Variants in NME9 observed in about 807,000 individuals in gnomAD.
The protein encoded by NME9 is NME/NM23 family member 9.
NME9 carries 48 observed loss-of-function variants against 44.4 expected under a neutral mutation model. The observed-to-expected ratio is 1.08, with a 90% confidence interval of 0.86 to 1.37. The LOEUF (loss-of-function observed/expected upper bound fraction) is 1.37. Ranked by LOEUF, NME9 falls within the 40% of genes most tolerant of loss-of-function variation. NME9 has a pLI of 0.00. For synonymous variants in NME9, 139 were observed against 147.1 expected, an observed-to-expected ratio of 0.94 and a Z score of 0.40; for missense variants, 325 against 405.2, an observed-to-expected ratio of 0.80 and a Z score of 1.70.
intron 8 of NME9, among the ~76,000 whole-genome samples, chr3:138,280,993 C>T (rs1313696158): frequency 3.9e-5 from 6 of 152,130 alleles, no homozygotes; most frequent in Admixed American, 3.9e-4. Flanking sequence ...TCAATTTTTG[C>T]AGGCTCTGGT....
chr3:138,318,637 C>T (rs1431012016), intron 3 of NME9, among the ~76,000 whole-genome samples: 1 of 151,926 alleles, frequency 6.6e-6, no homozygotes, highest in Non-Finnish European at 1.5e-5. Context: ...GACTGACTGC[C>T]AAAGGAGGAA....
intron 8 of NME9, chr3:138,264,033 C>T (rs778366165): frequency 2.1e-5 from 24 of 1,135,306 alleles, no homozygotes; most frequent in Non-Finnish European, 3.0e-5. Context: ...TGTAGATATG[C>T]TTGAAGTGTA....
chr3:138,289,173 C>A, intron 8 of NME9: 2 of 1,418,216 alleles, frequency 1.4e-6, no homozygotes, highest in Non-Finnish European at 2.0e-6. Flanking sequence ...GAGTGTCTTG[C>A]ACAGGGAAGC....
rs558864201 is a variant in NME9 at position 138,318,008 on chromosome 3, A to G, written c.267+140T>C. 2.4e-4 allele frequency: 158 copies of G among 657,026 alleles called. 3 individuals carry two copies. The South Asian group carries it at 2.6e-3, about 11-fold the overall frequency. The allele number at this position is 657,026 out of a possible 1,614,324, so 40.7% of individuals were successfully genotyped here. A position where few individuals can be genotyped will look rare whatever the true frequency, so the allele number is the denominator to read the frequency against. On this transcript the variant is annotated intron_variant, in intron 4 of 10. Transcript: ENST00000333911. Reference sequence around the variant, plus strand: ...ACTGGGAGGCATCAGAGAAAACAGCATCACTTGTTTGAATCTGTGAGGCCT... The same window carrying G: ...ACTGGGAGGCATCAGAGAAAACAGCGTCACTTGTTTGAATCTGTGAGGCCT...
chr3:138,318,297 G>A (rs1299126608), intron 3 of NME9, 78 bp from the exon 4 acceptor site: 3 of 919,938 alleles, frequency 3.3e-6, no homozygotes, highest in Non-Finnish European at 3.6e-6. Flanking sequence ...AACCACACAG[G>A]GAACTGAACA....
intron 8 of NME9, among the ~76,000 whole-genome samples, chr3:138,271,290 C>T (rs1188645830): frequency 6.6e-6 from 1 of 152,196 alleles, no homozygotes; most frequent in Non-Finnish European, 1.5e-5. Context: ...GCTTCCTTTT[C>T]AACCTCTTCT....
intron 8 of NME9, among the ~76,000 whole-genome samples, chr3:138,267,678 T>G (rs2048398452): frequency 6.6e-6 from 1 of 152,196 alleles, no homozygotes; most frequent in Non-Finnish European, 1.5e-5. Flanking sequence ...ATGGTAGTTG[T>G]TTGGGGAGGG....
At chr3:138,285,947 A>G (rs928699305) in intron 8 of NME9, among the ~76,000 whole-genome samples, 1 of 151,944 alleles carries the variant, frequency 6.6e-6, no homozygotes, top group Admixed American at 6.6e-5. Flanking sequence ...GACAAAGCCA[A>G]ACTTCTTTTT....
intron 8 of NME9, among the ~76,000 whole-genome samples, chr3:138,276,574 A>G (rs60869527): frequency 3.9e-5 from 6 of 152,206 alleles, no homozygotes; most frequent in African/African-American, 9.6e-5. Context: ...GAACTAATAA[A>G]TGAGTTAAGC....
At chr3:138,311,149 T>G (rs371049484) in intron 6 of NME9, among the ~76,000 whole-genome samples, 1 of 151,862 alleles carries the variant, frequency 6.6e-6, no homozygotes. Flanking sequence ...CTAAAAGAAA[T>G]AGATAAATTC....
chr3:138,262,895 C>T (rs541789381), intron 8 of NME9, among the ~76,000 whole-genome samples: 1 of 152,286 alleles, frequency 6.6e-6, no homozygotes, highest in East Asian at 1.9e-4. Flanking sequence ...TGCCTGGGTA[C>T]GTATCTCAGC....
At chr3:138,304,612 G>A (rs546602346) in intron 9 of NME9, among the ~76,000 whole-genome samples, 4 of 152,320 alleles carry the variant, frequency 2.6e-5, no homozygotes, top group East Asian at 1.9e-4. Flanking sequence ...AGAAAACAGC[G>A]ACTGAGGAAT....
chr3:138,295,886 G>A (rs2051443183), intron 8 of NME9: 1 of 1,613,450 alleles, frequency 6.2e-7, no homozygotes, highest in Non-Finnish European at 8.5e-7. Context: ...AGCAGTACCT[G>A]GCATGATGGG....
chr3:138,308,764 C>G (rs1424801463), intron 6 of NME9, among the ~76,000 whole-genome samples: 1 of 151,902 alleles, frequency 6.6e-6, no homozygotes, highest in Non-Finnish European at 1.5e-5. Context: ...GAAATGTGCC[C>G]AAAATGCTGA....
At chr3:138,274,819 A>T (rs192065467) in intron 8 of NME9, among the ~76,000 whole-genome samples, 1 of 152,182 alleles carries the variant, frequency 6.6e-6, no homozygotes, top group Non-Finnish European at 1.5e-5. Context: ...ACCTTTCATC[A>T]TCCTGGAATG....
intron 8 of NME9, among the ~76,000 whole-genome samples, chr3:138,268,185 G>C (rs2048455868): frequency 6.6e-6 from 1 of 152,176 alleles, no homozygotes; most frequent in African/African-American, 2.4e-5. Context: ...AAAGGTTGCA[G>C]TGAGCTGAGA....
chr3:138,295,524 G>A (rs541597234), intron 8 of NME9, among the ~76,000 whole-genome samples: 40 of 152,332 alleles, frequency 2.6e-4, no homozygotes, highest in African/African-American at 9.4e-4. Context: ...AGTAAAGAAT[G>A]TAAGACCTAT....
intron 2 of NME9, among the ~76,000 whole-genome samples, chr3:138,320,292 G>T (rs539949303): frequency 6.6e-6 from 1 of 152,128 alleles, no homozygotes; most frequent in Non-Finnish European, 1.5e-5. Context: ...CCTGCCCCAC[G>T]CGACCATGAA....
chr3:138,328,524 G>C (rs1201686692), intron 1 of NME9, among the ~76,000 whole-genome samples: 2 of 152,178 alleles, frequency 1.3e-5, no homozygotes, highest in Non-Finnish European at 2.9e-5. Flanking sequence ...AGGAGGCGCT[G>C]TAGCCTTGGT....
Sources: gnomAD v4.1 joint callset for allele counts (sites outside exome capture counted in the v4.1 genomes callset) on GRCh38, gnomAD v4.1.1 for gene constraint, MANE v1.5 for transcripts, NCBI Gene and HGNC (gene_info 2026-07-23, HGNC 2026-07-21) for gene names.